NCKAP5: variants seen among roughly 807,000 people sequenced by gnomAD.
The protein encoded by NCKAP5 is NCK associated protein 5, also known as nck-associated protein 5.
In NCKAP5, 92 loss-of-function variants were observed where a neutral mutation model predicts 167.0. The observed-to-expected ratio is 0.55, with a 90% CI of 0.47 to 0.66. NCKAP5 has a LOEUF of 0.66. NCKAP5 is among the 30% of genes least tolerant of loss of function. NCKAP5 has a pLI of 0.00. For synonymous variants in NCKAP5, 891 were observed against 877.4 expected (o/e 1.02, Z -0.27); for missense variants, 2,378 against 2,315.0 (o/e 1.03, Z -0.56).
intron 5 of NCKAP5, among the ~76,000 whole-genome samples, chr2:133,196,033 G>A (rs994574388): frequency 3.9e-5 from 6 of 152,124 alleles, no homozygotes; most frequent in African/African-American, 9.7e-5. Context: ...TGGGTAAAAC[G>A]ATGGACAGAA....
chr2:133,532,068 TG>T (rs1043346704), intron 2 of NCKAP5, among the ~76,000 whole-genome samples: 3 of 152,228 alleles, frequency 2.0e-5, no homozygotes, highest in African/African-American at 7.2e-5. Flanking sequence ...GTTTTATGTG[TG>T]TTTTAGTTTA....
chr2:133,398,104 A>T (rs1385803521), intron 3 of NCKAP5, among the ~76,000 whole-genome samples: 1 of 152,100 alleles, frequency 6.6e-6, no homozygotes, highest in Non-Finnish European at 1.5e-5. Flanking sequence ...TGGAAAACGT[A>T]CTGCCCTGGT....
chr2:132,913,461 T>C (rs1378224010), intron 8 of NCKAP5, among the ~76,000 whole-genome samples: 1 of 152,016 alleles, frequency 6.6e-6, no homozygotes, highest in Non-Finnish European at 1.5e-5. Flanking sequence ...AGAACAATAA[T>C]GTGGTTTTAT....
intron 2 of NCKAP5, among the ~76,000 whole-genome samples, chr2:133,529,072 A>G (rs1290089148): frequency 6.6e-6 from 1 of 152,206 alleles, no homozygotes; most frequent in East Asian, 1.9e-4. Flanking sequence ...AAGTTTCCAC[A>G]GCCCATACCC....
In NCKAP5 at chr2:132,989,073, A is replaced by G. The variant is rs147431944; in HGVS notation, c.429+5079T>C. The stretch of plus-strand genomic sequence containing the variant: ...ATTCAATTCATATTCCATACAGAAA[A>G]GTAGGAACAAGAGGAAGCATGGCGG... On this transcript the variant is annotated intron_variant, in intron 7 of 19. Coordinates refer to ENST00000409261, the MANE Select transcript of NCKAP5 (RefSeq NM_207363.3). Among the ~76,000 whole-genome samples the G allele has an allele frequency of 4.3e-3, 659 of 152,332 alleles. 4 individuals carry two copies. The highest frequency in any genetic ancestry group is 0.015 in the African/African-American group (626 of 41,572).
intron 4 of NCKAP5, among the ~76,000 whole-genome samples, chr2:133,254,481 C>T (rs766310545): frequency 1.3e-5 from 2 of 152,122 alleles, no homozygotes; most frequent in Non-Finnish European, 2.9e-5. Flanking sequence ...AACCACCCAG[C>T]TGAGTCTAAT....
intron 5 of NCKAP5, among the ~76,000 whole-genome samples, chr2:133,170,361 T>C (rs987450443): frequency 6.6e-6 from 1 of 152,214 alleles, no homozygotes; most frequent in Non-Finnish European, 1.5e-5. Context: ...TAACCACAGC[T>C]ACTTCTCTGG....
At chr2:133,179,045 G>A (rs2084614938) in intron 5 of NCKAP5, among the ~76,000 whole-genome samples, 1 of 152,086 alleles carries the variant, frequency 6.6e-6, no homozygotes, top group African/African-American at 2.4e-5. Flanking sequence ...GTGTCAGCAT[G>A]TAGACCTAGC....
intron 5 of NCKAP5, among the ~76,000 whole-genome samples, chr2:133,136,353 GAA>G (rs1482387351): frequency 6.6e-6 from 1 of 152,142 alleles, no homozygotes; most frequent in Non-Finnish European, 1.5e-5. Context: ...ATATGAAAAA[GAA>G]AGAGGAATTT....
intron 7 of NCKAP5, among the ~76,000 whole-genome samples, chr2:132,978,460 C>T (rs1259183019): frequency 1.3e-5 from 2 of 152,182 alleles, no homozygotes; most frequent in Non-Finnish European, 2.9e-5. Flanking sequence ...GCTACTGGGA[C>T]ATCTGTGACA....
chr2:133,348,578 TTAGCCCACACGTCATACTACAATTTA>T (rs1337181961), intron 3 of NCKAP5, among the ~76,000 whole-genome samples: 1 of 152,114 alleles, frequency 6.6e-6, no homozygotes, highest in Non-Finnish European at 1.5e-5. Flanking sequence ...GTGGCCCCCA[TTAGCCCACACGTCATACTACAATTTA>T]TATGCTATTG....
intron 3 of NCKAP5, among the ~76,000 whole-genome samples, chr2:133,357,324 CACACAT>C (rs1684808288): frequency 6.6e-6 from 1 of 151,088 alleles, no homozygotes; most frequent in Non-Finnish European, 1.5e-5. Context: ...CACACACACA[CACACAT>C]ACACAGAGGC....
At chr2:133,456,258 C>A (rs1276828444) in intron 3 of NCKAP5, among the ~76,000 whole-genome samples, 2 of 152,126 alleles carry the variant, frequency 1.3e-5, no homozygotes, top group African/African-American at 4.8e-5. Flanking sequence ...GTCCCAGGCC[C>A]CCATGCAGAA....
At chr2:133,517,630 G>T in intron 2 of NCKAP5, 43 bp from the exon 3 acceptor site, 1 of 614,668 alleles carries the variant, frequency 1.6e-6, no homozygotes, top group Non-Finnish European at 2.5e-6. Context: ...AGTACACAGT[G>T]TTTAGACCTT....
chr2:133,362,830 T>C (rs1685203578), intron 3 of NCKAP5, among the ~76,000 whole-genome samples: 1 of 152,158 alleles, frequency 6.6e-6, no homozygotes, highest in African/African-American at 2.4e-5. Flanking sequence ...CTCAGCTCAC[T>C]GCAAGCTCTG....
chr2:133,081,688 T>G (rs796178171), intron 6 of NCKAP5, among the ~76,000 whole-genome samples: 25 of 152,272 alleles, frequency 1.6e-4, no homozygotes, highest in African/African-American at 6.0e-4. Flanking sequence ...GATACAACAT[T>G]AAATATATTC....
chr2:132,681,013 T>C (rs1685155629), intron 19 of NCKAP5, among the ~76,000 whole-genome samples: 1 of 152,166 alleles, frequency 6.6e-6, no homozygotes, highest in Admixed American at 6.6e-5. Flanking sequence ...TCTCCAAAAG[T>C]AAAATGTGCA....
chr2:133,280,798 G>A lies in NCKAP5; in HGVS notation c.143+22239C>T, dbSNP rs113944995. On this transcript the variant is annotated intron_variant, in intron 4 of 19. Coordinates refer to ENST00000409261, the MANE Select transcript of NCKAP5 (RefSeq NM_207363.3). Reference sequence around the variant, plus strand: ...ATACCTGTTCACTTACGTATCCTTTGTGGGTGTTCTTGAGCTAAGATTACA... The same window carrying A: ...ATACCTGTTCACTTACGTATCCTTTATGGGTGTTCTTGAGCTAAGATTACA... Among the ~76,000 whole-genome samples the A allele has an allele frequency of 3.1e-3, 469 of 152,276 alleles. 3 individuals are homozygous for A. The highest frequency in any genetic ancestry group is 0.011 in the African/African-American group (445 of 41,546).
At chr2:133,087,689 A>G (rs1243243062) in intron 6 of NCKAP5, among the ~76,000 whole-genome samples, 1 of 152,168 alleles carries the variant, frequency 6.6e-6, no homozygotes, top group African/African-American at 2.4e-5. Flanking sequence ...TTTACAACAA[A>G]AATACCATAC....
Sources: allele counts gnomAD v4.1 joint callset (sites outside exome capture counted in the v4.1 genomes callset), GRCh38; gene constraint gnomAD v4.1.1; transcripts MANE v1.5; gene names NCBI Gene and HGNC (gene_info 2026-07-23, HGNC 2026-07-21).